The following ZNF736 variants were observed in gnomAD, a reference collection of about 807,000 sequenced individuals.
The protein encoded by ZNF736 is zinc finger protein 736.
Under a neutral mutation model 11.7 loss-of-function variants are expected in ZNF736, and 6 were observed. The ratio of observed to expected loss-of-function variants is 0.51; its 90% CI spans 0.28 to 1.01. The LOEUF (loss-of-function observed/expected upper bound fraction) is 1.01, where lower values mean the gene tolerates loss of function less well. ZNF736 is among the 50% of genes least tolerant of loss of function. The pLI is 0.09. For synonymous variants in ZNF736, 139 were observed against 164.7 expected (o/e 0.84, Z 1.19); for missense variants, 444 against 496.0 (o/e 0.90, Z 1.00).
chr7:64,331,401 C>G (rs1009198006), intron 1 of ZNF736, among the ~76,000 whole-genome samples: 4 of 152,182 alleles, frequency 2.6e-5, no homozygotes, highest in African/African-American at 9.7e-5. Context: ...CATGGATTTT[C>G]TCTCTCTGCT....
intron 1 of ZNF736, among the ~76,000 whole-genome samples, chr7:64,327,400 T>C (rs1789097174): frequency 6.6e-6 from 1 of 152,214 alleles, no homozygotes; most frequent in Admixed American, 6.5e-5. Context: ...TCAGTCTTTC[T>C]GTGTCTTCAT....
rs75842816 is a variant in ZNF736 at position 64,343,759 on chromosome 7, T to C, written c.227-4331T>C. Among the ~76,000 whole-genome samples the C allele has an allele frequency of 3.3e-3, 505 of 152,334 alleles. 3 individuals carry two copies. The highest frequency in any genetic ancestry group is 0.011 in the African/African-American group (438 of 41,578). ...GGCTTATGTTTTACAGTAGCCTATGTCACATTAATTAATTGTGTTTTTAGT... is the reference window on the plus strand; with the variant it reads ...GGCTTATGTTTTACAGTAGCCTATGCCACATTAATTAATTGTGTTTTTAGT... On this transcript the variant is annotated intron_variant, in intron 3 of 3. Transcript: ENST00000423484.
At chr7:64,343,513 A>G (rs571645317) in intron 3 of ZNF736, among the ~76,000 whole-genome samples, 8 of 152,212 alleles carry the variant, frequency 5.3e-5, no homozygotes, top group Non-Finnish European at 1.2e-4. Flanking sequence ...AGCAATACAT[A>G]ATATACCCAT....
At chr7:64,346,955 T>C (rs1789417823) in intron 3 of ZNF736, among the ~76,000 whole-genome samples, 1 of 152,020 alleles carries the variant, frequency 6.6e-6, no homozygotes. Context: ...TTGTCTCACA[T>C]AATTTTTACA....
chr7:64,354,479 A>G lies in ZNF736; in HGVS notation c.*5332A>G, dbSNP rs765520570. ...CTTCAGAGATTTTGAAAGCAAATCT[A>G]TTTTCTCTGCTGTGTATTAAATTCA... is the stretch of plus-strand genomic sequence containing the variant. On this transcript the variant is annotated 3_prime_UTR_variant, in exon 4 of 4. Coordinates refer to ENST00000423484, the MANE Select transcript of ZNF736 (RefSeq NM_001170905.3). The G allele has an allele frequency of 6.6e-6, 1 of 152,168 alleles. No individual in the cohort carries two copies. Among genetic ancestry groups the G allele is most frequent in the African/African-American group, 2.4e-5 (1 of 41,456 alleles). The allele number at this position is 152,168 out of a possible 1,614,324, so 9.4% of individuals were successfully genotyped here.
At chr7:64,330,588 C>G (rs879864880) in intron 1 of ZNF736, among the ~76,000 whole-genome samples, 15 of 152,086 alleles carry the variant, frequency 9.9e-5, no homozygotes, top group African/African-American at 3.6e-4. Flanking sequence ...AATCAAGCTT[C>G]GAGACAAAGT....
intron 1 of ZNF736, 32 bp from the exon 2 acceptor site, chr7:64,336,227 T>G: frequency 1.9e-6 from 3 of 1,595,810 alleles, no homozygotes; most frequent in Non-Finnish European, 2.6e-6. Flanking sequence ...ATTCTTTCTA[T>G]GGTCACTTGG....
At chr7:64,325,181 A>AG (rs1450923787) in intron 1 of ZNF736, among the ~76,000 whole-genome samples, 1 of 149,886 alleles carries the variant, frequency 6.7e-6, no homozygotes. Context: ...AAAAAAAAAA[A>AG]GTTGGAAAAA....
Position 64,355,942 on chromosome 7 carries a change from G to T in ZNF736, c.*6795G>T. On this transcript the variant is annotated 3_prime_UTR_variant, in exon 4 of 4. Transcript: ENST00000423484. ...CAGGATCAGCCTTCAGTTCTGGGTT[G>T]ATTTGGGGGCAATTGGATGATATAT... 1.6e-5 allele frequency: 3 copies of T among 192,770 alleles called. No homozygotes were observed. The South Asian group carries it at 3.1e-4, about 20-fold the overall frequency. The allele number at this position is 192,770 out of a possible 1,614,324, so 11.9% of individuals were successfully genotyped here. A position where few individuals can be genotyped will look rare whatever the true frequency, so the allele number is the denominator to read the frequency against.
At chr7:64,340,379 A>C (rs1273056818) in intron 3 of ZNF736, among the ~76,000 whole-genome samples, 2 of 152,106 alleles carry the variant, frequency 1.3e-5, no homozygotes, top group African/African-American at 4.8e-5. Context: ...GGCTGGAAGG[A>C]GCTGGAGATG....
At position 64,356,054 on chromosome 7, in the gene ZNF736, G is replaced by T; in HGVS notation, c.*6907G>T. ...TAAGATTGGTATTCTTTTGGACTAT[G>T]AATTGGGTGATTTTTTAAAGTAATA... On this transcript the variant is annotated 3_prime_UTR_variant, in exon 4 of 4. Coordinates refer to ENST00000423484, the MANE Select transcript of ZNF736 (RefSeq NM_001170905.3). 5.9e-6 allele frequency: 1 copy of T among 169,810 alleles called. No homozygotes were observed. The allele number at this position is 169,810 out of a possible 1,614,324, so 10.5% of individuals were successfully genotyped here.
intron 1 of ZNF736, among the ~76,000 whole-genome samples, chr7:64,330,356 A>G (rs904765184): frequency 2.0e-4 from 30 of 151,800 alleles, no homozygotes; most frequent in African/African-American, 7.3e-4. Flanking sequence ...ACGGGGTTTC[A>G]CTGTGTTAGC....
In ZNF736 at chr7:64,348,589, A is replaced by G. The variant is rs1280549348; in HGVS notation, c.726A>G (p.Ser242=). ...GTGGCAAAACTTTTACCTGCTCCTC[A>G]ACCCTTGTTAAACACAAGAGAAATC... ...EGCGKTFTCS[S]TLVKHKRNHT... Residue 242 remains serine (S), a synonymous_variant, in exon 4 of 4, where the codon TCA becomes TCG. Transcript: ENST00000423484. 2 of 1,594,336 alleles carry G rather than the reference A, an allele frequency of 1.3e-6. No individual in the cohort carries two copies. The highest frequency in any genetic ancestry group is 4.6e-5 in the East Asian group (2 of 43,884).
At chr7:64,332,613 G>A (rs562179232) in intron 1 of ZNF736, among the ~76,000 whole-genome samples, 19 of 152,136 alleles carry the variant, frequency 1.2e-4, no homozygotes, top group African/African-American at 3.6e-4. Flanking sequence ...AAATTTACCC[G>A]GGCAGAGTTT....
At position 64,349,282 on chromosome 7, in the gene ZNF736, A is replaced by G; in HGVS notation, c.*135A>G. ...TAGAGGGTCTCTAAGAACTTACTTTATAATCTGGTTGCTTATATGTTGGGT... is the reference window on the plus strand; with the variant it reads ...TAGAGGGTCTCTAAGAACTTACTTTGTAATCTGGTTGCTTATATGTTGGGT... On this transcript the variant is annotated 3_prime_UTR_variant, in exon 4 of 4. Coordinates refer to ENST00000423484, the MANE Select transcript of ZNF736 (RefSeq NM_001170905.3). 1 of 816,810 alleles carries G rather than the reference A, an allele frequency of 1.2e-6. No homozygotes were observed. The highest frequency in any genetic ancestry group is 1.8e-6 in the Non-Finnish European group (1 of 548,672). 50.6% of individuals were successfully genotyped at this position (816,810 alleles called of 1,614,324 possible).
intron 3 of ZNF736, among the ~76,000 whole-genome samples, chr7:64,339,022 C>T (rs952592609): frequency 4.6e-5 from 7 of 151,920 alleles, no homozygotes; most frequent in Admixed American, 4.6e-4. Flanking sequence ...GCAGTCCTAA[C>T]AGGTATAAAG....
intron 1 of ZNF736, among the ~76,000 whole-genome samples, chr7:64,322,852 T>C (rs1789020958): frequency 6.6e-6 from 1 of 152,230 alleles, no homozygotes; most frequent in Non-Finnish European, 1.5e-5. Context: ...AATAGTTTAA[T>C]AGGACCATCA....
At chr7:64,335,340 T>TG (rs1789232219) in intron 1 of ZNF736, among the ~76,000 whole-genome samples, 1 of 151,842 alleles carries the variant, frequency 6.6e-6, no homozygotes, top group South Asian at 2.1e-4. Context: ...TTACAGAACA[T>TG]GGGAGATATT....
At chr7:64,323,545 T>C (rs7783962) in intron 1 of ZNF736, among the ~76,000 whole-genome samples, 13,717 of 152,210 alleles carry the variant, frequency 0.09, 1,017 homozygotes, top group African/African-American at 0.2. Context: ...TACCATGGAA[T>C]ACTATGCAGG....
Sources: allele counts gnomAD v4.1 joint callset (sites outside exome capture counted in the v4.1 genomes callset), GRCh38; gene constraint gnomAD v4.1.1; transcripts MANE v1.5; gene names NCBI Gene and HGNC (gene_info 2026-07-23, HGNC 2026-07-21).